Variants in ERBIN observed in about 807,000 individuals in gnomAD.
ERBIN encodes densin-180-like protein.
ERBIN carries 60 observed loss-of-function variants against 158.4 expected under a neutral mutation model. The ratio of observed to expected loss-of-function variants is 0.38; its 90% CI spans 0.31 to 0.47. The LOEUF (loss-of-function observed/expected upper bound fraction) is 0.47. ERBIN is among the 20% of genes least tolerant of loss of function. The probability of loss-of-function intolerance (pLI) is 0.99; values close to 1 mark genes in which losing one functional copy is unlikely to be tolerated. For synonymous variants in ERBIN, 594 were observed against 557.2 expected (o/e 1.07, Z -0.93); for missense variants, 1,610 against 1,648.0 (o/e 0.98, Z 0.40).
At chr5:65,993,550 A>G (rs1229094819) in intron 3 of ERBIN, among the ~76,000 whole-genome samples, 1 of 151,848 alleles carries the variant, frequency 6.6e-6, no homozygotes, top group African/African-American at 2.4e-5. Flanking sequence ...TCCTATTTCA[A>G]TTTTCCCTCT....
At chr5:66,035,820 G>A (rs1036547228) in intron 14 of ERBIN, among the ~76,000 whole-genome samples, 62 of 152,166 alleles carry the variant, frequency 4.1e-4, no homozygotes, top group African/African-American at 1.3e-3. Flanking sequence ...CAGACTGGGC[G>A]TGGTGGCTTA....
intron 1 of ERBIN, among the ~76,000 whole-genome samples, chr5:65,929,001 C>T (rs1289559033): frequency 6.6e-6 from 1 of 152,150 alleles, no homozygotes; most frequent in African/African-American, 2.4e-5. Flanking sequence ...CTTAAAGGCT[C>T]TGTTTATTGA....
At chr5:66,045,097 A>T (rs1247210862) in intron 17 of ERBIN, among the ~76,000 whole-genome samples, 1 of 151,996 alleles carries the variant, frequency 6.6e-6, no homozygotes, top group East Asian at 1.9e-4. Flanking sequence ...ATGCTCCTGT[A>T]GTCCTAGCTA....
Position 66,054,962 on chromosome 5 carries a change from A to G in ERBIN, c.3633+11A>G. On this transcript the variant is annotated intron_variant, in intron 21 of 25. Transcript: ENST00000284037. ...AAAAAGTTAGAAAAGGTAATTGAACATGAGTTTTTCATTATTTTCTTTATG... is the reference window on the plus strand; with the variant it reads ...AAAAAGTTAGAAAAGGTAATTGAACGTGAGTTTTTCATTATTTTCTTTATG... 1.9e-6 allele frequency: 3 copies of G among 1,544,822 alleles called. No homozygotes were observed. Among genetic ancestry groups the G allele is most frequent in the South Asian group, 2.5e-5 (2 of 80,706 alleles).
chr5:66,043,207 G>C lies in ERBIN; in HGVS notation c.1428+9G>C. Reference sequence around the variant, plus strand: ...GGGAGGCACCTCCCAGGGTGAGTCTGTTCTTTATTCTTTAAAATTTGAAAC... The same window carrying C: ...GGGAGGCACCTCCCAGGGTGAGTCTCTTCTTTATTCTTTAAAATTTGAAAC... On this transcript the variant is annotated intron_variant, in intron 16 of 25. Transcript: ENST00000284037. 2 of 1,609,910 alleles carry C rather than the reference G, an allele frequency of 1.2e-6. No individual in the cohort carries two copies. The highest frequency in any genetic ancestry group is 1.1e-5 in the South Asian group (1 of 90,616).
rs776775599 is a variant in ERBIN at position 66,060,248 on chromosome 5, CT to C, written c.3633+5299del. ...ATTGGTCTATTCAGAGATTCAACTT[CT>C]TCCTGGTTTAGTCTTGGGAGAGTGT... On this transcript the variant is annotated intron_variant, in intron 21 of 25. Coordinates refer to ENST00000284037, the MANE Select transcript of ERBIN (RefSeq NM_001253697.2). Among the ~76,000 whole-genome samples the C allele has an allele frequency of 9.8e-5, 15 of 152,294 alleles. No individual in the cohort carries two copies. In the East Asian group the frequency reaches 2.9e-3, roughly 29 times the overall value.
intron 4 of ERBIN, among the ~76,000 whole-genome samples, chr5:66,004,130 TG>T (rs1411301511): frequency 7.1e-6 from 1 of 140,834 alleles, no homozygotes; most frequent in Admixed American, 7.3e-5. Context: ...TTTTAAGAGA[TG>T]GGGTTTTGCC....
chr5:65,994,722 A>G (rs1049668272), intron 3 of ERBIN, 25 bp from the exon 4 acceptor site: 1 of 1,306,814 alleles, frequency 7.7e-7, no homozygotes, highest in Non-Finnish European at 1.1e-6. Context: ...TATAATTGAC[A>G]TTCTTTCCTC....
At chr5:65,981,829 G>A (rs1455790119) in intron 1 of ERBIN, among the ~76,000 whole-genome samples, 1 of 152,156 alleles carries the variant, frequency 6.6e-6, no homozygotes, top group Non-Finnish European at 1.5e-5. Context: ...AGGTAAAGGT[G>A]GACTTTGCAA....
In ERBIN at chr5:66,036,447, CT is replaced by C. The variant is rs563463828; in HGVS notation, c.1207-1933del. On this transcript the variant is annotated intron_variant, in intron 14 of 25. Transcript: ENST00000284037. ...GCTTTCTTGGAACATTCTTCCTTCT[CT>C]TTCTTACCTGGCTTCTTACCTTCTT... Among the ~76,000 whole-genome samples the C allele has an allele frequency of 6.7e-4, 102 of 152,308 alleles. 2 individuals carry two copies. The highest frequency in any genetic ancestry group is 2.9e-4 in the Non-Finnish European group (20 of 68,022).
At chr5:65,989,440 T>G (rs1054522491) in intron 2 of ERBIN, among the ~76,000 whole-genome samples, 1 of 152,224 alleles carries the variant, frequency 6.6e-6, no homozygotes, top group Non-Finnish European at 1.5e-5. Flanking sequence ...CTTTGTAGTC[T>G]CTATTCACAG....
At chr5:66,020,440 A>T (rs555473783) in intron 7 of ERBIN, among the ~76,000 whole-genome samples, 4 of 152,118 alleles carry the variant, frequency 2.6e-5, no homozygotes, top group African/African-American at 9.6e-5. Context: ...ATATTAATGT[A>T]ATATACTGAT....
intron 19 of ERBIN, among the ~76,000 whole-genome samples, chr5:66,049,347 A>T (rs1014930978): frequency 1.3e-5 from 2 of 151,972 alleles, no homozygotes; most frequent in African/African-American, 2.4e-5. Context: ...TCTTTACATC[A>T]TCTTCCTCAA....
intron 1 of ERBIN, among the ~76,000 whole-genome samples, chr5:65,970,940 T>C (rs1407863600): frequency 6.6e-6 from 1 of 152,222 alleles, no homozygotes; most frequent in Non-Finnish European, 1.5e-5. Context: ...TTTGTATCTT[T>C]AGTGTTCAGC....
intron 21 of ERBIN, among the ~76,000 whole-genome samples, chr5:66,056,552 A>G (rs1378576644): frequency 6.6e-6 from 1 of 151,648 alleles, no homozygotes; most frequent in Non-Finnish European, 1.5e-5. Context: ...TTTTTTTTTA[A>G]TTGCCTGAAA....
At chr5:65,969,247 A>G (rs1164331369) in intron 1 of ERBIN, among the ~76,000 whole-genome samples, 1 of 152,214 alleles carries the variant, frequency 6.6e-6, no homozygotes, top group Non-Finnish European at 1.5e-5. Context: ...TGAATAGTAT[A>G]TATAAAATAT....
chr5:66,073,883 T>G (rs1324453358), intron 22 of ERBIN, among the ~76,000 whole-genome samples: 1 of 151,956 alleles, frequency 6.6e-6, no homozygotes, highest in Non-Finnish European at 1.5e-5. Flanking sequence ...TAACCTCTTT[T>G]TTGTTGTTGT....
intron 19 of ERBIN, 33 bp from the exon 20 acceptor site, chr5:66,050,749 AT>A (rs758412830): frequency 4.6e-5 from 64 of 1,377,106 alleles, no homozygotes; most frequent in Non-Finnish European, 6.2e-5. Context: ...TTCTTGGGGA[AT>A]TTATCATTAA....
intron 1 of ERBIN, among the ~76,000 whole-genome samples, chr5:65,980,367 G>T (rs534040216): frequency 1.3e-5 from 2 of 152,264 alleles, no homozygotes; most frequent in South Asian, 4.1e-4. Flanking sequence ...GGTGGAGGTT[G>T]CAGTGAGCCG....
Sources: gnomAD v4.1 joint callset for allele counts (sites outside exome capture counted in the v4.1 genomes callset) on GRCh38, gnomAD v4.1.1 for gene constraint, MANE v1.5 for transcripts, NCBI Gene and HGNC (gene_info 2026-07-23, HGNC 2026-07-21) for gene names.